The following SPSB4 variants were observed in gnomAD, a reference collection of about 807,000 sequenced individuals.
SPSB4 encodes the protein splA/ryanodine receptor domain and SOCS box containing 4, also known as SPRY domain-containing SOCS box protein 4.
In SPSB4, 21 loss-of-function variants were observed where a neutral mutation model predicts 20.9. That is an observed-to-expected ratio of 1.01 (90% CI 0.71 to 1.45). The LOEUF (loss-of-function observed/expected upper bound fraction) is 1.45. Ranked by LOEUF, SPSB4 falls within the 40% of genes most tolerant of loss-of-function variation. The pLI, the probability that SPSB4 is intolerant of heterozygous loss-of-function variation, is 0.00. For synonymous variants in SPSB4, 207 were observed against 183.8 expected (o/e 1.13, Z -1.02); for missense variants, 399 against 399.2 (o/e 1.00, Z 0.00).
chr3:141,072,998 A>G (rs1043268224), intron 2 of SPSB4, among the ~76,000 whole-genome samples: 6 of 152,218 alleles, frequency 3.9e-5, no homozygotes, highest in Admixed American at 3.9e-4. Flanking sequence ...TAGCAGTCGC[A>G]TGGGTCCATG....
At position 141,066,285 on chromosome 3, in the gene SPSB4, C is replaced by T. The variant is rs1352282512; in HGVS notation, c.181C>T (p.Arg61Cys). ...QLRHAWNPEDRSLNVFVKDDD... is the reference protein window; with the variant it reads ...QLRHAWNPEDCSLNVFVKDDD... ...GCGGCACGCGTGGAACCCCGAGGAC[C>T]GCTCGCTCAACGTCTTCGTCAAGGA... is the stretch of plus-strand genomic sequence containing the variant. The change falls in exon 2 of 3, where the codon CGC becomes TGC. Residue 61 changes from arginine (R) to cysteine (C), a missense_variant. Arg to Cys is a radical substitution (Grantham distance 180). Coordinates refer to ENST00000310546, the MANE Select transcript of SPSB4 (RefSeq NM_080862.3). 4 of 1,566,496 alleles carry T rather than the reference C, an allele frequency of 2.6e-6. No homozygotes were observed. The highest frequency in any genetic ancestry group is 2.4e-5 in the South Asian group (2 of 85,058).
At chr3:141,078,614 C>T (rs1310539890) in intron 2 of SPSB4, among the ~76,000 whole-genome samples, 1 of 152,224 alleles carries the variant, frequency 6.6e-6, no homozygotes, top group African/African-American at 2.4e-5. Context: ...GCTTTCCTCT[C>T]CAAAGGGACA....
At chr3:141,084,003 G>A (rs1172850177) in intron 2 of SPSB4, among the ~76,000 whole-genome samples, 2 of 152,120 alleles carry the variant, frequency 1.3e-5, no homozygotes. Context: ...CAGGCTGTGG[G>A]ACTCTGCTCT....
chr3:141,081,190 C>T (rs1202427097), intron 2 of SPSB4, among the ~76,000 whole-genome samples: 2 of 152,178 alleles, frequency 1.3e-5, no homozygotes, highest in Non-Finnish European at 2.9e-5. Context: ...CATATGTGGT[C>T]GTTTAATTAA....
chr3:141,074,327 G>A (rs1033362667), intron 2 of SPSB4, among the ~76,000 whole-genome samples: 3 of 152,158 alleles, frequency 2.0e-5, no homozygotes, highest in Non-Finnish European at 2.9e-5. Context: ...TGCCTAGAAC[G>A]TAGCTACTGA....
At chr3:141,136,641 G>C (rs1939232876) in intron 2 of SPSB4, among the ~76,000 whole-genome samples, 1 of 152,240 alleles carries the variant, frequency 6.6e-6, no homozygotes, top group South Asian at 2.1e-4. Context: ...TCAAAGATCA[G>C]ATGGTTGTAG....
chr3:141,095,072 C>T (rs371215840), intron 2 of SPSB4, among the ~76,000 whole-genome samples: 7 of 152,164 alleles, frequency 4.6e-5, no homozygotes, highest in East Asian at 1.9e-4. Flanking sequence ...TGCTGCCAAA[C>T]GGGGCGTGTC....
intron 2 of SPSB4, among the ~76,000 whole-genome samples, chr3:141,133,820 A>G (rs1939175340): frequency 6.6e-6 from 1 of 152,108 alleles, no homozygotes; most frequent in Non-Finnish European, 1.5e-5. Context: ...TGTTTTGTGA[A>G]GAATGATAAT....
At chr3:141,139,989 G>A (rs1399805786) in intron 2 of SPSB4, among the ~76,000 whole-genome samples, 2 of 151,838 alleles carry the variant, frequency 1.3e-5, no homozygotes, top group Non-Finnish European at 2.9e-5. Flanking sequence ...TGTAGATTTG[G>A]TCTTTTCACA....
intron 2 of SPSB4, among the ~76,000 whole-genome samples, chr3:141,122,695 C>T (rs1037125041): frequency 6.6e-6 from 1 of 152,218 alleles, no homozygotes; most frequent in African/African-American, 2.4e-5. Context: ...AGGTCAATCT[C>T]AGACTGCTAC....
At chr3:141,138,926 A>T (rs549115876) in intron 2 of SPSB4, among the ~76,000 whole-genome samples, 2 of 152,138 alleles carry the variant, frequency 1.3e-5, no homozygotes, top group Non-Finnish European at 2.9e-5. Flanking sequence ...TCTAATGTTG[A>T]CAGTGGGGTG....
intron 2 of SPSB4, among the ~76,000 whole-genome samples, chr3:141,142,219 A>G (rs746937006): frequency 5.9e-5 from 9 of 152,224 alleles, no homozygotes; most frequent in Non-Finnish European, 1.2e-4. Context: ...GACTGTATCC[A>G]AGAGGTTTTT....
intron 2 of SPSB4, among the ~76,000 whole-genome samples, chr3:141,137,079 G>A (rs1307207864): frequency 6.6e-6 from 1 of 152,038 alleles, no homozygotes; most frequent in Non-Finnish European, 1.5e-5. Context: ...TGGATTCCTA[G>A]GTATTTTATT....
chr3:141,147,193 T>C lies in SPSB4; in HGVS notation c.746T>C (p.Leu249Pro), dbSNP rs1244524302. 1.9e-6 allele frequency: 3 copies of C among 1,614,084 alleles called. No individual in the cohort carries two copies. The highest frequency in any genetic ancestry group is 1.7e-6 in the Non-Finnish European group (2 of 1,180,040). Residue 249 changes from leucine (L) to proline (P), a missense_variant, in exon 3 of 3, where the codon CTG (leucine) becomes CCG (proline). Coordinates refer to ENST00000310546, the MANE Select transcript of SPSB4 (RefSeq NM_080862.3). ...TGCCGGAGATCCATCCGCTCGGCCC[T>C]GGGCCGCCAGCGCCTGCAGGACATC... Reference protein sequence around the residue: ...DLCRRSIRSALGRQRLQDISS... With the variant: ...DLCRRSIRSAPGRQRLQDISS...
chr3:141,123,212 T>A (rs1938996840), intron 2 of SPSB4, among the ~76,000 whole-genome samples: 1 of 152,220 alleles, frequency 6.6e-6, no homozygotes, highest in South Asian at 2.1e-4. Flanking sequence ...TCTAATTTCC[T>A]TATTTATGTA....
At chr3:141,139,670 C>G (rs1333575195) in intron 2 of SPSB4, among the ~76,000 whole-genome samples, 1 of 152,242 alleles carries the variant, frequency 6.6e-6, no homozygotes, top group South Asian at 2.1e-4. Context: ...GGCCCCCACT[C>G]TCTTCTGGCT....
At chr3:141,138,972 G>C (rs1253610660) in intron 2 of SPSB4, among the ~76,000 whole-genome samples, 3 of 152,170 alleles carry the variant, frequency 2.0e-5, no homozygotes, top group Admixed American at 1.3e-4. Context: ...GGGTGTCTAA[G>C]TCTTTTTGTA....
chr3:141,092,745 G>T (rs991882188), intron 2 of SPSB4, among the ~76,000 whole-genome samples: 2 of 152,232 alleles, frequency 1.3e-5, no homozygotes, highest in African/African-American at 4.8e-5. Flanking sequence ...GGCAGGGAAC[G>T]AGGAGGCAAC....
chr3:141,135,965 T>G (rs1238473744), intron 2 of SPSB4, among the ~76,000 whole-genome samples: 1 of 152,192 alleles, frequency 6.6e-6, no homozygotes, highest in Non-Finnish European at 1.5e-5. Context: ...ACCAACAGTG[T>G]AAAAGTGTTC....
Sources: gnomAD v4.1 joint callset for allele counts (sites outside exome capture counted in the v4.1 genomes callset) on GRCh38, gnomAD v4.1.1 for gene constraint, MANE v1.5 for transcripts, NCBI Gene and HGNC (gene_info 2026-07-23, HGNC 2026-07-21) for gene names.